Variants in CACNB2 observed in about 807,000 individuals in gnomAD.
CACNB2 encodes voltage-dependent L-type calcium channel subunit beta-2.
A neutral mutation model predicts 73.3 loss-of-function variants in CACNB2; 42 were observed. That is an observed-to-expected ratio of 0.57 (90% CI 0.45 to 0.74). The LOEUF (loss-of-function observed/expected upper bound fraction) is 0.74. Among genes scored for constraint, CACNB2 ranks in the 30% least tolerant of loss-of-function variants. CACNB2 has a pLI of 0.00. For synonymous variants in CACNB2, 348 were observed against 310.3 expected (o/e 1.12, Z -1.28); for missense variants, 940 against 853.0 (o/e 1.10, Z -1.27).
intron 2 of CACNB2, among the ~76,000 whole-genome samples, chr10:18,169,693 A>G (rs191199666): frequency 6.6e-6 from 1 of 152,290 alleles, no homozygotes; most frequent in African/African-American, 2.4e-5. Context: ...CTTGGGTCAC[A>G]GTGTCTTCTT....
chr10:18,364,299 AAT>A (rs1491319424), intron 2 of CACNB2, among the ~76,000 whole-genome samples: 2 of 101,682 alleles, frequency 2.0e-5, no homozygotes, highest in East Asian at 2.5e-3. Context: ...ATTTTTAACT[AAT>A]TTTTTTTTTT....
chr10:18,518,475 G>A, intron 8 of CACNB2, 59 bp downstream of exon 8: 1 of 1,132,434 alleles, frequency 8.8e-7, no homozygotes, highest in Non-Finnish European at 1.3e-6. Context: ...TTGTGATGCT[G>A]CCTCCTACTC....
At chr10:18,496,055 G>A (rs1340914636) in intron 3 of CACNB2, among the ~76,000 whole-genome samples, 2 of 151,718 alleles carry the variant, frequency 1.3e-5, no homozygotes, top group Non-Finnish European at 1.5e-5. Context: ...GCATGATGGC[G>A]GGTGCCTGTA....
intron 2 of CACNB2, among the ~76,000 whole-genome samples, chr10:18,242,125 G>GTA (rs775347796): frequency 0.016 from 2,414 of 150,700 alleles, 17 homozygotes; most frequent in Non-Finnish European, 0.021. Flanking sequence ...GTGTGTGTGT[G>GTA]TATATATATA....
intron 2 of CACNB2, among the ~76,000 whole-genome samples, chr10:18,351,476 G>C (rs1326323562): frequency 6.6e-6 from 1 of 152,168 alleles, no homozygotes; most frequent in Non-Finnish European, 1.5e-5. Context: ...TTAATTGGGT[G>C]AGATGATGAA....
Position 18,375,816 on chromosome 10 carries a change from C to T in CACNB2, c.214-26108C>T, listed in dbSNP as rs189924972. On this transcript the variant is annotated intron_variant, in intron 2 of 13. Coordinates refer to ENST00000324631, the MANE Select transcript of CACNB2 (RefSeq NM_201596.3). ...ACGCTGAAAACCACCAGGAAATTGC[C>T]TCCAAATACCTTTGACATAGATTTG... is the stretch of plus-strand genomic sequence containing the variant. 8.5e-4 allele frequency among the ~76,000 whole-genome samples: 129 copies of T among 152,238 alleles called. 2 individuals are homozygous for T. Among genetic ancestry groups the T allele is most frequent in the Non-Finnish European group, 4.4e-5 (3 of 68,016 alleles).
At chr10:18,366,502 T>C (rs1418592107) in intron 2 of CACNB2, among the ~76,000 whole-genome samples, 3 of 151,054 alleles carry the variant, frequency 2.0e-5, no homozygotes, top group Non-Finnish European at 1.5e-5. Flanking sequence ...GCCCAGCACT[T>C]TCTTTGGTTT....
At chr10:18,398,383 G>C (rs1022431589) in intron 2 of CACNB2, among the ~76,000 whole-genome samples, 12 of 152,012 alleles carry the variant, frequency 7.9e-5, no homozygotes, top group Non-Finnish European at 1.6e-4. Context: ...AATATTTTGA[G>C]GCTGGGTGAG....
At chr10:18,153,536 T>C in intron 2 of CACNB2, among the ~76,000 whole-genome samples, 1 of 151,236 alleles carries the variant, frequency 6.6e-6, no homozygotes, top group Non-Finnish European at 1.5e-5. Flanking sequence ...GCATGGCAGA[T>C]AGTGACAATG....
chr10:18,198,361 A>G (rs952332093), intron 2 of CACNB2, among the ~76,000 whole-genome samples: 4 of 152,140 alleles, frequency 2.6e-5, no homozygotes, highest in African/African-American at 9.6e-5. Context: ...TACCGGGGGC[A>G]CCTGGGGGTA....
At chr10:18,163,584 A>T (rs1031479685) in intron 2 of CACNB2, among the ~76,000 whole-genome samples, 3 of 152,218 alleles carry the variant, frequency 2.0e-5, no homozygotes, top group Admixed American at 6.5e-5. Context: ...CGCAACACTG[A>T]CATCAAGAAA....
intron 2 of CACNB2, among the ~76,000 whole-genome samples, chr10:18,203,964 T>C (rs1473926913): frequency 2.0e-5 from 3 of 152,106 alleles, no homozygotes; most frequent in Non-Finnish European, 4.4e-5. Context: ...TTTGTAAAGG[T>C]TGGATTTATA....
At chr10:18,240,386 TG>T (rs1174165355) in intron 2 of CACNB2, among the ~76,000 whole-genome samples, 2 of 152,144 alleles carry the variant, frequency 1.3e-5, no homozygotes, top group African/African-American at 4.8e-5. Flanking sequence ...CCAAGCAGCG[TG>T]GTATGTGATG....
At chr10:18,175,984 G>A (rs35667846) in intron 2 of CACNB2, among the ~76,000 whole-genome samples, 10,924 of 152,278 alleles carry the variant, frequency 0.072, 462 homozygotes, top group South Asian at 0.12. Context: ...TTTATGGTAG[G>A]AACCTGAGAG....
intron 3 of CACNB2, among the ~76,000 whole-genome samples, chr10:18,402,516 A>T (rs973655213): frequency 2.0e-5 from 3 of 152,212 alleles, no homozygotes; most frequent in Admixed American, 6.5e-5. Flanking sequence ...AATGGATTAC[A>T]TTATGCTTTT....
At chr10:18,293,375 C>T (rs1252846391) in intron 2 of CACNB2, among the ~76,000 whole-genome samples, 2 of 152,128 alleles carry the variant, frequency 1.3e-5, no homozygotes, top group African/African-American at 4.8e-5. Context: ...TTCTGATGTC[C>T]AAATGTGAGT....
chr10:18,310,678 C>T (rs965937513), intron 2 of CACNB2, among the ~76,000 whole-genome samples: 21 of 147,802 alleles, frequency 1.4e-4, no homozygotes, highest in African/African-American at 4.5e-4. Context: ...CCACTGGGTT[C>T]GAGCAATTCT....
At chr10:18,483,991 G>A (rs978386137) in intron 3 of CACNB2, among the ~76,000 whole-genome samples, 3 of 152,184 alleles carry the variant, frequency 2.0e-5, no homozygotes, top group African/African-American at 7.2e-5. Context: ...AATATTTGCT[G>A]GGCCACATTT....
At chr10:18,314,490 T>A (rs2040081792) in intron 2 of CACNB2, among the ~76,000 whole-genome samples, 4 of 151,914 alleles carry the variant, frequency 2.6e-5, no homozygotes, top group Admixed American at 2.6e-4. Flanking sequence ...CTGTTTTTCC[T>A]CCTTCTTCAA....
Sources: allele counts gnomAD v4.1 joint callset (sites outside exome capture counted in the v4.1 genomes callset), GRCh38; gene constraint gnomAD v4.1.1; transcripts MANE v1.5; gene names NCBI Gene and HGNC (gene_info 2026-07-23, HGNC 2026-07-21).